Variants in OPHN1 observed in about 807,000 individuals in gnomAD.
OPHN1 encodes the protein oligophrenin 1.
In OPHN1, 11 loss-of-function variants were observed where a neutral mutation model predicts 60.7. That is an observed-to-expected ratio of 0.18 (90% CI 0.11 to 0.30). The LOEUF (loss-of-function observed/expected upper bound fraction) is 0.30. OPHN1 is among the 10% of genes least tolerant of loss of function. The pLI, the probability that OPHN1 is intolerant of heterozygous loss-of-function variation, is 1.00. For missense variants in OPHN1, 449 were observed against 611.0 expected, an observed-to-expected ratio of 0.73 and a Z score of 2.80; for synonymous variants, 226 against 222.6, an observed-to-expected ratio of 1.02 and a Z score of -0.14.
At chrX:68,214,808 C>G (rs1412100899) in intron 6 of OPHN1, among the ~76,000 whole-genome samples, 1 of 110,771 alleles carries the variant, frequency 9.0e-6, no homozygotes, top group African/African-American at 3.3e-5. Flanking sequence ...ACCAGCTTGG[C>G]CAACATGGAG....
At chrX:68,088,510 A>G (rs1014066029) in intron 19 of OPHN1, among the ~76,000 whole-genome samples, 1 of 111,558 alleles carries the variant, frequency 9.0e-6, no homozygotes, top group African/African-American at 3.3e-5. Flanking sequence ...ATCATTTAAC[A>G]ACCATAAACA....
At chrX:68,263,070 T>A (rs1209253972) in intron 5 of OPHN1, among the ~76,000 whole-genome samples, 1 of 111,770 alleles carries the variant, frequency 8.9e-6, no homozygotes, top group African/African-American at 3.3e-5. Context: ...AGAAAACACA[T>A]CCAAGGTAAA....
intron 2 of OPHN1, among the ~76,000 whole-genome samples, chrX:68,314,045 C>G: frequency 9.1e-6 from 1 of 110,480 alleles, no homozygotes; most frequent in Non-Finnish European, 1.9e-5. Flanking sequence ...ACATTACTAC[C>G]AATTTTACAT....
intron 2 of OPHN1, among the ~76,000 whole-genome samples, chrX:68,397,561 T>C (rs376747895): frequency 1.1e-3 from 112 of 99,246 alleles, no homozygotes; most frequent in African/African-American, 4.0e-3. Context: ...CTCACTCTGT[T>C]GCCCCAGTTG....
chrX:68,216,506 C>T (rs368135597), intron 6 of OPHN1, among the ~76,000 whole-genome samples: 1 of 110,742 alleles, frequency 9.0e-6, no homozygotes, highest in African/African-American at 3.3e-5. Flanking sequence ...ATAAGATACA[C>T]AAAAATGTTA....
intron 16 of OPHN1, among the ~76,000 whole-genome samples, chrX:68,118,189 G>A (rs1038661736): frequency 2.7e-5 from 3 of 111,099 alleles, no homozygotes; most frequent in Non-Finnish European, 5.7e-5. Context: ...TGGGACCATG[G>A]CTATTACTTA....
At chrX:68,173,274 A>G (rs1216401674) in intron 15 of OPHN1, among the ~76,000 whole-genome samples, 1 of 111,273 alleles carries the variant, frequency 9.0e-6, no homozygotes, top group Non-Finnish European at 1.9e-5. Flanking sequence ...CAACCTGTGA[A>G]TAATAAACTG....
intron 2 of OPHN1, among the ~76,000 whole-genome samples, chrX:68,339,077 GA>G (rs202083174): frequency 0.069 from 6,350 of 92,093 alleles, 213 homozygotes; most frequent in African/African-American, 0.12. Context: ...GACCCTGTCT[GA>G]AAAAAAAAAA....
intron 15 of OPHN1, among the ~76,000 whole-genome samples, chrX:68,121,748 G>A (rs1850108194): frequency 9.3e-6 from 1 of 107,577 alleles, no homozygotes; most frequent in African/African-American, 3.4e-5. Flanking sequence ...ACAGCTCAAG[G>A]CTCCAAAAGA....
At chrX:68,227,930 G>A (rs1355018959) in intron 6 of OPHN1, among the ~76,000 whole-genome samples, 3 of 110,250 alleles carry the variant, frequency 2.7e-5, no homozygotes, top group Non-Finnish European at 5.7e-5. Context: ...GGAGATAAGA[G>A]ACACAAAAAA....
chrX:68,187,786 C>T (rs1485135657), intron 15 of OPHN1, among the ~76,000 whole-genome samples: 5 of 110,489 alleles, frequency 4.5e-5, no homozygotes, highest in Non-Finnish European at 9.4e-5. Context: ...CGCCACCACA[C>T]CCGGCTAATT....
intron 2 of OPHN1, among the ~76,000 whole-genome samples, chrX:68,349,139 A>G (rs925113518): frequency 2.7e-5 from 3 of 110,777 alleles, no homozygotes; most frequent in Non-Finnish European, 5.7e-5. Context: ...TGGGAGACAA[A>G]TTTTGCAATC....
intron 5 of OPHN1, among the ~76,000 whole-genome samples, chrX:68,269,003 T>G (rs956126821): frequency 1.8e-4 from 20 of 111,119 alleles, no homozygotes; most frequent in African/African-American, 4.9e-4. Flanking sequence ...TCAAAGAGAA[T>G]AAAATACCTA....
chrX:68,069,280 A>G (rs2076924382), intron 20 of OPHN1, among the ~76,000 whole-genome samples: 2 of 111,927 alleles, frequency 1.8e-5, no homozygotes, highest in Non-Finnish European at 3.8e-5. Flanking sequence ...TCATTTATTA[A>G]GGAATTACTA....
intron 2 of OPHN1, among the ~76,000 whole-genome samples, chrX:68,365,379 C>A (rs908109891): frequency 9.0e-6 from 1 of 110,913 alleles, no homozygotes; most frequent in African/African-American, 3.3e-5. Context: ...GAAGCTGGAA[C>A]AAGACCAGTG....
At chrX:68,194,014 T>C in intron 13 of OPHN1, 62 bp from the exon 14 acceptor site, 40 of 957,551 alleles carry the variant, frequency 4.2e-5, no homozygotes, top group Non-Finnish European at 6.0e-5. Flanking sequence ...ATTAAACATT[T>C]AATGACCATG....
chrX:68,393,879 G>T (rs1394047115), intron 2 of OPHN1, among the ~76,000 whole-genome samples: 2 of 41,502 alleles, frequency 4.8e-5, no homozygotes, highest in African/African-American at 1.0e-4. Context: ...TGATCCAATA[G>T]ACTTTGTTTT....
intron 15 of OPHN1, chrX:68,132,879 G>T (rs930776085): frequency 1.7e-5 from 5 of 295,284 alleles, no homozygotes; most frequent in Middle Eastern, 2.0e-3. Flanking sequence ...CGAACCAGGC[G>T]ACGCTGAAGC....
chrX:68,188,809 AAAGTT>A (rs1245565176), intron 15 of OPHN1, among the ~76,000 whole-genome samples: 2 of 111,913 alleles, frequency 1.8e-5, no homozygotes, highest in Non-Finnish European at 3.8e-5. Context: ...ATTTAATGCT[AAAGTT>A]AAGTCTCCAG....
Sources: gnomAD v4.1 joint callset for allele counts (sites outside exome capture counted in the v4.1 genomes callset) on GRCh38, gnomAD v4.1.1 for gene constraint, MANE v1.5 for transcripts, NCBI Gene and HGNC (gene_info 2026-07-23, HGNC 2026-07-21) for gene names.